Variants in SPSB1 observed in about 807,000 individuals in gnomAD.
The protein encoded by SPSB1 is SPRY domain-containing SOCS box protein 1.
A neutral mutation model predicts 21.2 loss-of-function variants in SPSB1; 8 were observed. The ratio of observed to expected loss-of-function variants is 0.38; its 90% CI spans 0.22 to 0.68. The LOEUF is 0.68. Ranked by LOEUF, SPSB1 falls within the 30% of genes least tolerant of loss-of-function variation. SPSB1 has a pLI of 0.53. For synonymous variants in SPSB1, 169 were observed against 161.7 expected, an observed-to-expected ratio of 1.05 and a Z score of -0.34; for missense variants, 242 against 377.8, an observed-to-expected ratio of 0.64 and a Z score of 2.98.
chr1:9,334,585 C>CA (rs1242678099), intron 1 of SPSB1, among the ~76,000 whole-genome samples: 1 of 152,162 alleles, frequency 6.6e-6, no homozygotes, highest in Admixed American at 6.5e-5. Flanking sequence ...TATTGTTGTA[C>CA]AACCATCACC....
intron 1 of SPSB1, among the ~76,000 whole-genome samples, chr1:9,352,991 G>A (rs189430208): frequency 2.6e-5 from 4 of 152,162 alleles, no homozygotes; most frequent in African/African-American, 9.6e-5. Context: ...TGCAGGAAGC[G>A]TGACATGAAC....
intron 1 of SPSB1, among the ~76,000 whole-genome samples, chr1:9,334,631 C>T (rs998154599): frequency 3.9e-5 from 6 of 152,336 alleles, no homozygotes; most frequent in South Asian, 2.1e-4. Flanking sequence ...TCTTCCCCAA[C>T]GGAAACTCTG....
intron 1 of SPSB1, among the ~76,000 whole-genome samples, chr1:9,347,472 A>G (rs1640181481): frequency 6.6e-6 from 1 of 152,240 alleles, no homozygotes; most frequent in Non-Finnish European, 1.5e-5. Flanking sequence ...ACAATCATTA[A>G]CCATTGTGAA....
In SPSB1 at chr1:9,368,872, A is replaced by C. The variant is rs1056689374; in HGVS notation, c.*1297A>C. The C allele has an allele frequency of 4.6e-5, 7 of 152,582 alleles. No individual in the cohort carries two copies. The South Asian group carries it at 1.5e-3, about 32-fold the overall frequency. 9.5% of individuals were successfully genotyped at this position (152,582 alleles called of 1,614,324 possible). The stretch of plus-strand genomic sequence containing the variant: ...TCAAGAGGGGTAGCTCGGCTGCCGG[A>C]AGAGAGGGGTGCCCTATCCCTGGCA... On this transcript the variant is annotated 3_prime_UTR_variant, in exon 3 of 3. Coordinates refer to ENST00000328089, the MANE Select transcript of SPSB1 (RefSeq NM_025106.4).
intron 1 of SPSB1, among the ~76,000 whole-genome samples, chr1:9,316,984 G>A (rs1639627577): frequency 6.6e-6 from 1 of 152,228 alleles, no homozygotes; most frequent in South Asian, 2.1e-4. Flanking sequence ...GCAGGGCCAG[G>A]CCTCACCTTG....
chr1:9,362,375 T>G (rs1451851466), intron 2 of SPSB1, among the ~76,000 whole-genome samples: 1 of 152,244 alleles, frequency 6.6e-6, no homozygotes, highest in Non-Finnish European at 1.5e-5. Context: ...GGACAAAGGC[T>G]CCACGTTGTG....
intron 1 of SPSB1, among the ~76,000 whole-genome samples, chr1:9,353,709 A>C (rs1261266708): frequency 6.6e-6 from 1 of 152,102 alleles, no homozygotes; most frequent in African/African-American, 2.4e-5. Flanking sequence ...ACCTGAGGTC[A>C]GGAGTTCGAG....
chr1:9,320,135 C>G (rs1023668668), intron 1 of SPSB1, among the ~76,000 whole-genome samples: 7 of 152,192 alleles, frequency 4.6e-5, no homozygotes, highest in African/African-American at 1.7e-4. Flanking sequence ...ACCGGCCCCA[C>G]CCCCCACTAT....
intron 2 of SPSB1, among the ~76,000 whole-genome samples, chr1:9,359,723 TATC>T (rs2100518697): frequency 9.1e-6 from 1 of 110,352 alleles, no homozygotes; most frequent in African/African-American, 3.1e-5. Flanking sequence ...AAAAAAAAAG[TATC>T]ATTCTGGCTG....
intron 1 of SPSB1, among the ~76,000 whole-genome samples, chr1:9,330,703 ACT>A (rs555842219): frequency 4.4e-3 from 156 of 35,836 alleles, no homozygotes; most frequent in Non-Finnish European, 5.3e-3. Context: ...GTTCTTCTGA[ACT>A]TTTTTTTTTT....
At chr1:9,309,750 G>T (rs1343514830) in intron 1 of SPSB1, among the ~76,000 whole-genome samples, 1 of 152,196 alleles carries the variant, frequency 6.6e-6, no homozygotes, top group Non-Finnish European at 1.5e-5. Context: ...GCTGAGGCAG[G>T]AGAATCGCTT....
chr1:9,308,890 G>A (rs1225547219), intron 1 of SPSB1, among the ~76,000 whole-genome samples: 3 of 152,148 alleles, frequency 2.0e-5, no homozygotes, highest in East Asian at 3.9e-4. Flanking sequence ...AGCACAGCTT[G>A]GGAGGCGTGT....
rs891566853 is a variant in SPSB1, at chr1:9,321,632, C to T, written c.-150+28561C>T. Among the ~76,000 whole-genome samples the T allele has an allele frequency of 3.9e-5, 6 of 152,030 alleles. No homozygotes were observed. The highest frequency in any genetic ancestry group is 1.2e-4 in the African/African-American group (5 of 41,386). On this transcript the variant is annotated intron_variant, in intron 1 of 2. Transcript: ENST00000328089. This position sits in a 1 kb window ranked among gnomAD's most constrained non-coding sequence, Gnocchi z 4.8. ...GCTGTGTTTCATCACATCTGAGACCCGTCGACCGTGAGCTTCACCTTTAAA... is the reference window on the plus strand; with the variant it reads ...GCTGTGTTTCATCACATCTGAGACCTGTCGACCGTGAGCTTCACCTTTAAA...
chr1:9,347,748 A>G (rs1640186843), intron 1 of SPSB1, among the ~76,000 whole-genome samples: 1 of 151,854 alleles, frequency 6.6e-6, no homozygotes, highest in African/African-American at 2.4e-5. Flanking sequence ...GTGGAGGCCT[A>G]TAGGGTTTGG....
chr1:9,306,917 TTCTTC>T (rs1639421416), intron 1 of SPSB1, among the ~76,000 whole-genome samples: 1 of 74,108 alleles, frequency 1.3e-5, no homozygotes, highest in African/African-American at 8.2e-5. Context: ...TCTTTTACTT[TTCTTC>T]TTTTCTTCTT....
In SPSB1 at chr1:9,355,934, A is replaced by C. The variant is rs576207850; in HGVS notation, c.43A>C (p.Arg15=). The change falls in exon 2 of 3, where the codon AGG becomes CGG. Residue 15 remains arginine (R), a synonymous_variant. Transcript: ENST00000328089. ...VTGGIKTVDM[R]DPTYRPLKQE... is the part of the protein sequence containing the mutation. ...TGGAGGGATCAAGACTGTGGACATG[A>C]GGGACCCCACGTACAGGCCCCTGAA... The C allele has an allele frequency of 6.2e-7, 1 of 1,608,252 alleles. No homozygotes were observed. The highest frequency in any genetic ancestry group is 1.1e-5 in the South Asian group (1 of 90,402).
chr1:9,312,399 C>G (rs1639534920), intron 1 of SPSB1, among the ~76,000 whole-genome samples: 1 of 152,110 alleles, frequency 6.6e-6, no homozygotes, highest in African/African-American at 2.4e-5. Flanking sequence ...AGCGCTAACA[C>G]AGGGTTCTTT....
chr1:9,350,999 C>T (rs535015734), intron 1 of SPSB1, among the ~76,000 whole-genome samples: 1 of 152,324 alleles, frequency 6.6e-6, no homozygotes, highest in East Asian at 1.9e-4. Context: ...GTGAATGTTA[C>T]TTGGTACCTG....
intron 1 of SPSB1, among the ~76,000 whole-genome samples, chr1:9,336,021 G>T (rs936424214): frequency 8.5e-5 from 13 of 152,204 alleles, no homozygotes; most frequent in African/African-American, 3.1e-4. Flanking sequence ...CCTAGTGTGT[G>T]CTGGGAACCA....
Sources: allele counts gnomAD v4.1 joint callset (sites outside exome capture counted in the v4.1 genomes callset), GRCh38; gene constraint gnomAD v4.1.1; non-coding constraint Gnocchi (gnomAD v3.1); transcripts MANE v1.5; gene names NCBI Gene and HGNC (gene_info 2026-07-23, HGNC 2026-07-21).